IDI2: variants seen among roughly 807,000 people sequenced by gnomAD.
IDI2 encodes the protein isopentenyl-diphosphate delta-isomerase 2.
IDI2 carries 18 observed loss-of-function variants against 14.8 expected under a neutral mutation model. That is an observed-to-expected ratio of 1.22 (90% confidence interval 0.84 to 1.80). The LOEUF is 1.80. Among genes scored for constraint, IDI2 ranks in the 40% most tolerant of loss-of-function variants. IDI2 has a pLI of 0.00. For missense variants in IDI2, 316 were observed against 283.2 expected, an observed-to-expected ratio of 1.12 and a Z score of -0.83; for synonymous variants, 133 against 109.6, an observed-to-expected ratio of 1.21 and a Z score of -1.33.
rs369612849 is a variant in IDI2 at position 1,020,154 on chromosome 10, C to T, written c.367-320G>A. Among the ~76,000 whole-genome samples, 19 of 152,212 alleles carry T rather than the reference C, an allele frequency of 1.2e-4. No homozygotes were observed. In the East Asian group the frequency reaches 1.7e-3, roughly 14 times the overall value. Reference sequence around the variant, plus strand: ...AGGAGAACATCCATCCTCTCTTAAACGTGTTCTTGAGTGGATGAAGGTAAC... The same window carrying T: ...AGGAGAACATCCATCCTCTCTTAAATGTGTTCTTGAGTGGATGAAGGTAAC... On this transcript the variant is annotated intron_variant, in intron 4 of 4. Coordinates refer to ENST00000277517, the MANE Select transcript of IDI2 (RefSeq NM_033261.3).
In IDI2 at chr10:1,019,770, C is replaced by T. The variant is rs1044261; in HGVS notation, c.431G>A (p.Trp144Ter). The change falls in exon 5 of 5, where the codon TGG (tryptophan) becomes TAG (stop). Residue 144 changes from tryptophan (W) to a stop codon, truncating the protein, a stop_gained. Coordinates refer to ENST00000277517, the MANE Select transcript of IDI2 (RefSeq NM_033261.3). LOFTEE classifies it low-confidence loss of function (END_TRUNC). Reference protein sequence around the residue: ...YHHKAKSDRIWGEHEICYLLL... With the variant: ...YHHKAKSDRI ...AAGGTAACAAATTTCATGCTCTCCC[C>T]AAATTCTGTCTGATTTTGCCTTGTG... The T allele has an allele frequency of 0.066, 106,061 of 1,613,818 alleles. 3,812 individuals are homozygous for T. The highest frequency in any genetic ancestry group is 0.076 in the Non-Finnish European group (89,560 of 1,179,836).
rs190658894 is a variant in IDI2, at chr10:1,019,058, T to A, written c.*459A>T. The stretch of plus-strand genomic sequence containing the variant: ...TGCAAGATTGAATGTGTCTTTTTTT[T>A]AAAAATGCAGCCTTGTGTTGCACTC... On this transcript the variant is annotated 3_prime_UTR_variant, in exon 5 of 5. Coordinates refer to ENST00000277517, the MANE Select transcript of IDI2 (RefSeq NM_033261.3). 5.4e-3 allele frequency: 844 copies of A among 157,326 alleles called. 6 individuals carry two copies. The highest frequency in any genetic ancestry group is 0.014 in the Admixed American group (233 of 16,230). 9.7% of individuals were successfully genotyped at this position (157,326 alleles called of 1,614,324 possible).
At chr10:1,020,721 A>C in intron 4 of IDI2, 46 bp downstream of exon 4, 2 of 1,555,066 alleles carry the variant, frequency 1.3e-6, no homozygotes, top group Non-Finnish European at 1.7e-6. Flanking sequence ...GCCCGCTGCC[A>C]ACCTGGACTC....
chr10:1,019,720 G>C lies in IDI2; in HGVS notation c.481C>G (p.Leu161Val). The change falls in exon 5 of 5, where the codon CTG becomes GTG. Residue 161 changes from leucine to valine, a missense_variant. Transcript: ENST00000277517. ...TTCGTTTCACTGGGATCCGGGTTCA[G>C]AGTGACGTTTTTCCTCACAAGCAGA... Reference protein sequence around the residue: ...YLLLVRKNVTLNPDPSETKSI... With the variant: ...YLLLVRKNVTVNPDPSETKSI... The C allele has an allele frequency of 6.2e-7, 1 of 1,614,020 alleles. No individual in the cohort carries two copies. The highest frequency in any genetic ancestry group is 1.3e-5 in the African/African-American group (1 of 75,006).
chr10:1,022,928 G>A (rs1211773713), intron 2 of IDI2, 153 bp from the exon 3 acceptor site: 10 of 600,628 alleles, frequency 1.7e-5, no homozygotes, highest in South Asian at 1.2e-4. Flanking sequence ...CAAACACAAC[G>A]TTTCAGAATC....
Position 1,019,436 on chromosome 10 carries a change from G to A in IDI2, c.*81C>T. On this transcript the variant is annotated 3_prime_UTR_variant, in exon 5 of 5. Coordinates refer to ENST00000277517, the MANE Select transcript of IDI2 (RefSeq NM_033261.3). ...AAGTGCCCCTTTTGCCCTGTTTTTT[G>A]GAGAGGGTGTATCATTGCCTCAATG... 1 of 1,137,020 alleles carries A rather than the reference G, an allele frequency of 8.8e-7. No homozygotes were observed. The highest frequency in any genetic ancestry group is 1.6e-5 in the South Asian group (1 of 62,578). 70.4% of individuals were successfully genotyped at this position (1,137,020 alleles called of 1,614,324 possible). A position where few individuals can be genotyped will look rare whatever the true frequency, so the allele number is the denominator to read the frequency against.
Position 1,022,734 on chromosome 10 carries a change from T to G in IDI2, c.184A>C (p.Lys62Gln), listed in dbSNP as rs753947634. Reference protein sequence around the residue: ...RAFSVVLFNTKNRILIQQRSD... With the variant: ...RAFSVVLFNTQNRILIQQRSD... ...CTCTGCTGTATCAGGATTCGATTCTTGGTGTTAAACAAGACAACGCTGAAG... is the reference window on the plus strand; with the variant it reads ...CTCTGCTGTATCAGGATTCGATTCTGGGTGTTAAACAAGACAACGCTGAAG... The change falls in exon 3 of 5, where the codon AAG becomes CAG. Residue 62 changes from lysine (K) to glutamine (Q), a missense_variant. By Grantham distance (53) the Lys-to-Gln change is moderately conservative (BLOSUM62 1). Coordinates refer to ENST00000277517, the MANE Select transcript of IDI2 (RefSeq NM_033261.3). 6.2e-7 allele frequency: 1 copy of G among 1,614,198 alleles called. No individual in the cohort carries two copies. Among genetic ancestry groups the G allele is most frequent in the South Asian group, 1.1e-5 (1 of 91,088 alleles).
rs1004994008 is a variant in IDI2, at chr10:1,020,783, C to T, written c.350G>A (p.Gly117Glu). The change falls in exon 4 of 5, where the codon GGA (glycine) becomes GAA (glutamate). Residue 117 changes from glycine to glutamate, a missense_variant. Coordinates refer to ENST00000277517, the MANE Select transcript of IDI2 (RefSeq NM_033261.3). ...TGTGTGTACCTGCTCCCCAGGAATT[C>T]CCAGCTCTGCTTGCAGACGCCTCTG... ...AAQRRLQAEL[G>E]IPGEQISPED... The T allele has an allele frequency of 1.1e-5, 18 of 1,612,502 alleles. No homozygotes were observed. The South Asian group carries it at 1.9e-4, about 17-fold the overall frequency.
In IDI2 at chr10:1,024,582, C is replaced by T; in HGVS notation, c.142G>A (p.Gly48Arg). Reference sequence around the variant, plus strand: ...GACAGAGAAAATGGGCGGGGGCTACCTTTCTCAATGTTTTCGTTCAGATGG... The same window carrying T: ...GACAGAGAAAATGGGCGGGGGCTACTTTTCTCAATGTTTTCGTTCAGATGG... ...NCHLNENIEK[G>R]LLHRAFSVVL... The change falls in exon 2 of 5, where the codon GGG becomes AGG. Residue 48 changes from glycine (G) to arginine (R), a missense_variant and splice_region_variant. Gly to Arg is a moderately radical substitution (Grantham distance 125). Coordinates refer to ENST00000277517, the MANE Select transcript of IDI2 (RefSeq NM_033261.3). The T allele has an allele frequency of 6.2e-7, 1 of 1,613,932 alleles. No individual in the cohort carries two copies.
chr10:1,024,911 C>G (rs949261440), intron 1 of IDI2, among the ~76,000 whole-genome samples, 167 bp from the exon 2 acceptor site: 1 of 152,032 alleles, frequency 6.6e-6, no homozygotes, highest in Non-Finnish European at 1.5e-5. Flanking sequence ...TCATCTGTTT[C>G]TAATGTGGTG....
Position 1,022,550 on chromosome 10 carries a change from C to G in IDI2, c.235+133G>C, listed in dbSNP as rs984222789. 3 of 697,304 alleles carry G rather than the reference C, an allele frequency of 4.3e-6. No homozygotes were observed. The East Asian group carries it at 7.9e-5, about 18-fold the overall frequency. The allele number at this position is 697,304 out of a possible 1,614,324, so 43.2% of individuals were successfully genotyped here. On this transcript the variant is annotated intron_variant, in intron 3 of 4. Transcript: ENST00000277517. ...CATAATTAGCATCTGCCTAAGCTGC[C>G]GATTTTCTGCAGGATGAGCTGCCAG...
chr10:1,021,885 G>A (rs1263587944), intron 3 of IDI2, among the ~76,000 whole-genome samples: 1 of 152,204 alleles, frequency 6.6e-6, no homozygotes, highest in Admixed American at 6.5e-5. Flanking sequence ...GCTCAGGCAA[G>A]GTCTGGTTTT....
intron 2 of IDI2, among the ~76,000 whole-genome samples, chr10:1,023,383 G>A (rs1017979212): frequency 1.3e-5 from 2 of 151,880 alleles, no homozygotes; most frequent in African/African-American, 4.8e-5. Flanking sequence ...GGCTGAGGCA[G>A]GAGAATGGCA....
chr10:1,021,893 T>G (rs1832109762), intron 3 of IDI2, among the ~76,000 whole-genome samples: 1 of 152,158 alleles, frequency 6.6e-6, no homozygotes, highest in Non-Finnish European at 1.5e-5. Flanking sequence ...AAGGTCTGGT[T>G]TTGAAAATTT....
chr10:1,021,111 G>T (rs536693522), intron 3 of IDI2, among the ~76,000 whole-genome samples: 1 of 152,174 alleles, frequency 6.6e-6, no homozygotes, highest in Admixed American at 6.5e-5. Context: ...ACCACCTGGC[G>T]GGGCTGGCCC....
chr10:1,020,343 A>C (rs919681873), intron 4 of IDI2, among the ~76,000 whole-genome samples: 2 of 151,790 alleles, frequency 1.3e-5, no homozygotes, highest in Admixed American at 6.6e-5. Flanking sequence ...GGCGTGTGCC[A>C]CTACGCCCAG....
Position 1,022,753 on chromosome 10 carries a change from G to A in IDI2, c.165C>T (p.Ser55=), listed in dbSNP as rs768663336. The A allele has an allele frequency of 3.7e-6, 6 of 1,613,940 alleles. No homozygotes were observed. The highest frequency in any genetic ancestry group is 1.3e-5 in the African/African-American group (1 of 74,940). Residue 55 remains serine, a synonymous_variant, in exon 3 of 5, where the codon AGC becomes AGT. Transcript: ENST00000277517. ...IEKGLLHRAF[S]VVLFNTKNRI... is the part of the protein sequence containing the mutation. ...GATTCTTGGTGTTAAACAAGACAAC[G>A]CTGAAGGCTCGGTGCAGCAGCCCTG...
At chr10:1,023,844 T>A (rs951301448) in intron 2 of IDI2, among the ~76,000 whole-genome samples, 15 of 152,340 alleles carry the variant, frequency 9.8e-5, no homozygotes, top group African/African-American at 3.6e-4. Flanking sequence ...CACAAAGATA[T>A]GATGAATGTT....
chr10:1,021,999 C>T (rs1040529699), intron 3 of IDI2, among the ~76,000 whole-genome samples: 5 of 152,232 alleles, frequency 3.3e-5, no homozygotes, highest in Admixed American at 1.3e-4. Flanking sequence ...GTGGCTCACG[C>T]CTATAATCCC....
Sources: gnomAD v4.1 joint callset for allele counts (sites outside exome capture counted in the v4.1 genomes callset) on GRCh38, gnomAD v4.1.1 for gene constraint, MANE v1.5 for transcripts, NCBI Gene and HGNC (gene_info 2026-07-23, HGNC 2026-07-21) for gene names.